Variants in CSMD3 observed in about 807,000 individuals in gnomAD.
CSMD3 encodes the protein CUB and sushi domain-containing protein 3.
In CSMD3, 177 loss-of-function variants were observed where a neutral mutation model predicts 435.2. That is an observed-to-expected ratio of 0.41 (90% confidence interval 0.36 to 0.46). The LOEUF is 0.46. Among genes scored for constraint, CSMD3 ranks in the 20% least tolerant of loss-of-function variants. The pLI is 0.34. For synonymous variants in CSMD3, 1,656 were observed against 1,520.5 expected, an observed-to-expected ratio of 1.09 and a Z score of -2.07; for missense variants, 4,265 against 4,504.6, an observed-to-expected ratio of 0.95 and a Z score of 1.52.
intron 13 of CSMD3, among the ~76,000 whole-genome samples, chr8:112,706,584 G>A (rs971363698): frequency 1.3e-5 from 2 of 152,018 alleles, no homozygotes; most frequent in Non-Finnish European, 1.5e-5. Flanking sequence ...GAACAAAAGA[G>A]CACATTTGGA....
At chr8:113,076,563 A>C (rs1008028287) in intron 5 of CSMD3, among the ~76,000 whole-genome samples, 1 of 152,080 alleles carries the variant, frequency 6.6e-6, no homozygotes, top group Non-Finnish European at 1.5e-5. Flanking sequence ...TAAATCTCTT[A>C]ATTAAGATTA....
intron 61 of CSMD3, among the ~76,000 whole-genome samples, chr8:112,261,725 T>C (rs1457243299): frequency 6.6e-6 from 1 of 152,060 alleles, no homozygotes; most frequent in Non-Finnish European, 1.5e-5. Context: ...CTTTACTAAA[T>C]AATACCAACT....
intron 58 of CSMD3, among the ~76,000 whole-genome samples, chr8:112,285,085 C>T (rs554103737): frequency 1.3e-5 from 2 of 151,904 alleles, no homozygotes; most frequent in South Asian, 4.2e-4. Context: ...TTGGTATCAG[C>T]TTCATTTATG....
intron 6 of CSMD3, among the ~76,000 whole-genome samples, chr8:113,010,383 G>A (rs1372852322): frequency 1.3e-5 from 2 of 151,766 alleles, no homozygotes; most frequent in African/African-American, 2.4e-5. Flanking sequence ...TATTCTAGAA[G>A]AGATTGGCAA....
At chr8:112,825,620 C>T (rs1434951141) in intron 12 of CSMD3, among the ~76,000 whole-genome samples, 1 of 152,078 alleles carries the variant, frequency 6.6e-6, no homozygotes, top group Non-Finnish European at 1.5e-5. Context: ...CCTGGAGGTT[C>T]ACTTCAGGCC....
rs1446680075 is a variant in CSMD3, at chr8:112,828,472, TTCTCTCCTGCCACCATCTCTCTC to T, written c.1859+1191_1859+1213del. On this transcript the variant is annotated intron_variant, in intron 12 of 70. Coordinates refer to ENST00000297405, the MANE Select transcript of CSMD3 (RefSeq NM_198123.2). ...TTCCCCCTTTGCTCTCTCTCTCTCT[TTCTCTCCTGCCACCATCTCTCTC>T]TCTCTCCTGCCACCATCCTGGCTTC... Among the ~76,000 whole-genome samples, 11 of 152,094 alleles carry T rather than the reference TTCTCTCCTGCCACCATCTCTCTC, an allele frequency of 7.2e-5. No individual in the cohort carries two copies. In the East Asian group the frequency reaches 1.9e-3, roughly 27 times the overall value.
chr8:112,525,494 G>A (rs1327509694), intron 27 of CSMD3, among the ~76,000 whole-genome samples: 3 of 150,012 alleles, frequency 2.0e-5, no homozygotes, highest in Non-Finnish European at 4.5e-5. Context: ...ACCGAGGCGG[G>A]CGGATCACGA....
chr8:112,231,793 C>T (rs1563663705), intron 68 of CSMD3, among the ~76,000 whole-genome samples, 161 bp from the exon 69 acceptor site: 1 of 151,936 alleles, frequency 6.6e-6, no homozygotes, highest in Non-Finnish European at 1.5e-5. Flanking sequence ...TGAAAATTTT[C>T]CATCATTAAA....
At position 112,853,733 on chromosome 8, in the gene CSMD3, T is replaced by G. The variant is rs143852190; in HGVS notation, c.1755+5412A>C. Among the ~76,000 whole-genome samples the G allele has an allele frequency of 5.3e-5, 8 of 152,338 alleles. 1 individual carries two copies. In the East Asian group the frequency reaches 1.5e-3, roughly 29 times the overall value. ...TGTAACAAAGATAAACTGTTTTTTC[T>G]CCTAAACCAGCTCCACCTGTAGCTT... On this transcript the variant is annotated intron_variant, in intron 11 of 70. Coordinates refer to ENST00000297405, the MANE Select transcript of CSMD3 (RefSeq NM_198123.2).
intron 5 of CSMD3, among the ~76,000 whole-genome samples, chr8:113,035,337 A>T (rs2087297430): frequency 6.6e-6 from 1 of 152,044 alleles, no homozygotes; most frequent in Non-Finnish European, 1.5e-5. Context: ...GTTTATGTAC[A>T]TTCAAGAACA....
At chr8:113,399,106 T>TACACACACAC (rs56045224) in intron 1 of CSMD3, among the ~76,000 whole-genome samples, 23 of 95,056 alleles carry the variant, frequency 2.4e-4, no homozygotes, top group Middle Eastern at 6.6e-3. Flanking sequence ...TATATATATA[T>TACACACACAC]ACACACACAC....
At chr8:113,285,849 G>T (rs1157013686) in intron 2 of CSMD3, among the ~76,000 whole-genome samples, 1 of 152,060 alleles carries the variant, frequency 6.6e-6, no homozygotes, top group Non-Finnish European at 1.5e-5. Flanking sequence ...TCATACTAAT[G>T]AATAATCATT....
chr8:113,157,354 T>A (rs1028001220), intron 4 of CSMD3, among the ~76,000 whole-genome samples: 3 of 152,078 alleles, frequency 2.0e-5, no homozygotes, highest in African/African-American at 7.2e-5. Context: ...GACCCAAGAG[T>A]CTCATGTCTT....
At chr8:112,837,006 T>C (rs1470793788) in intron 11 of CSMD3, among the ~76,000 whole-genome samples, 10 of 151,832 alleles carry the variant, frequency 6.6e-5, no homozygotes, top group African/African-American at 2.4e-4. Context: ...GAAAATATTT[T>C]CCGTGCATCC....
At chr8:112,626,742 T>C (rs924441891) in intron 22 of CSMD3, among the ~76,000 whole-genome samples, 12 of 152,168 alleles carry the variant, frequency 7.9e-5, no homozygotes, top group African/African-American at 2.7e-4. Flanking sequence ...TCTCCAGTTA[T>C]CTACACTGCC....
At chr8:112,566,088 A>C (rs1829043922) in intron 24 of CSMD3, among the ~76,000 whole-genome samples, 1 of 151,000 alleles carries the variant, frequency 6.6e-6, no homozygotes, top group African/African-American at 2.4e-5. Context: ...AATACATTAA[A>C]TCTATAAAAC....
At chr8:112,307,761 T>C (rs1000189681) in intron 50 of CSMD3, among the ~76,000 whole-genome samples, 1 of 152,226 alleles carries the variant, frequency 6.6e-6, no homozygotes, top group East Asian at 1.9e-4. Context: ...ATGAAAGATA[T>C]CTAGCTTACA....
In CSMD3 at chr8:112,975,891, T is replaced by C. The variant is rs2084827843; in HGVS notation, c.1288A>G (p.Arg430Gly). The change falls in exon 7 of 71, where the codon AGA becomes GGA. Residue 430 changes from arginine to glycine, a missense_variant. By Grantham distance (125) the Arg-to-Gly change is moderately radical. This residue lies in a region of CSMD3 where 731 missense variants were observed against 755.4 expected (regional missense o/e 0.97). Coordinates refer to ENST00000297405, the MANE Select transcript of CSMD3 (RefSeq NM_198123.2). ...GTTCTTTCTATCTGTTCAGCATGTC[T>C]TGGTCTTCTCCTGGTACTTTGTGTA... is the stretch of plus-strand genomic sequence containing the variant. ...ADTQSTRRRP[R>G]HAEQIERTKE... is the part of the protein sequence containing the mutation. 1 of 1,613,862 alleles carries C rather than the reference T, an allele frequency of 6.2e-7. No homozygotes were observed. The highest frequency in any genetic ancestry group is 1.7e-5 in the Admixed American group (1 of 59,982).
intron 1 of CSMD3, among the ~76,000 whole-genome samples, chr8:113,421,650 G>A (rs2094609329): frequency 6.6e-6 from 1 of 152,028 alleles, no homozygotes; most frequent in South Asian, 2.1e-4. Context: ...ATAGGATTCG[G>A]AACCAAGGTC....
Sources: allele counts gnomAD v4.1 joint callset (sites outside exome capture counted in the v4.1 genomes callset), GRCh38; gene constraint gnomAD v4.1.1; regional missense constraint gnomAD v4.1.1; transcripts MANE v1.5; gene names NCBI Gene and HGNC (gene_info 2026-07-23, HGNC 2026-07-21).